The following GUCY1A2 variants were observed in gnomAD, a reference collection of about 807,000 sequenced individuals.
GUCY1A2 encodes the protein guanylate cyclase soluble subunit alpha-2.
Under a neutral mutation model 63.5 loss-of-function variants are expected in GUCY1A2, and 27 were observed. The ratio of observed to expected loss-of-function variants is 0.43; its 90% CI spans 0.31 to 0.59. The LOEUF is 0.59. GUCY1A2 is among the 20% of genes least tolerant of loss of function. The pLI, the probability that GUCY1A2 is intolerant of heterozygous loss-of-function variation, is 0.11. For missense variants in GUCY1A2, 768 were observed against 913.3 expected, an observed-to-expected ratio of 0.84 and a Z score of 2.05; for synonymous variants, 364 against 343.5, an observed-to-expected ratio of 1.06 and a Z score of -0.66.
intron 5 of GUCY1A2, among the ~76,000 whole-genome samples, chr11:106,800,712 G>A (rs577758013): frequency 6.6e-6 from 1 of 152,140 alleles, no homozygotes; most frequent in African/African-American, 2.4e-5. Context: ...CACAGGAAGG[G>A]GAACATCACA....
At chr11:106,803,316 G>C (rs1026074049) in intron 5 of GUCY1A2, among the ~76,000 whole-genome samples, 1 of 152,072 alleles carries the variant, frequency 6.6e-6, no homozygotes, top group Non-Finnish European at 1.5e-5. Context: ...AAGAATCTTT[G>C]AGGCCCCATG....
At chr11:106,719,593 T>G (rs936631660) in intron 6 of GUCY1A2, among the ~76,000 whole-genome samples, 4 of 152,164 alleles carry the variant, frequency 2.6e-5, no homozygotes, top group African/African-American at 4.8e-5. Context: ...TAAGAATAAA[T>G]AGCATAGCTA....
chr11:106,729,641 C>CA (rs1251875982), intron 6 of GUCY1A2, among the ~76,000 whole-genome samples: 1 of 151,798 alleles, frequency 6.6e-6, no homozygotes, highest in Admixed American at 6.6e-5. Flanking sequence ...ATCAGCACAG[C>CA]AAAAAATGAT....
chr11:106,940,830 T>A (rs1024519297), intron 3 of GUCY1A2, among the ~76,000 whole-genome samples: 2 of 152,188 alleles, frequency 1.3e-5, no homozygotes, highest in African/African-American at 4.8e-5. Flanking sequence ...ATAATATATT[T>A]TTCTTTTTCT....
intron 4 of GUCY1A2, among the ~76,000 whole-genome samples, chr11:106,835,400 AAT>A (rs2135439493): frequency 6.6e-6 from 1 of 152,056 alleles, no homozygotes; most frequent in South Asian, 2.1e-4. Context: ...AAGAGTAGAA[AAT>A]ATGAGGAGAT....
chr11:106,981,627 G>A (rs1012907928), intron 2 of GUCY1A2, among the ~76,000 whole-genome samples: 8 of 151,818 alleles, frequency 5.3e-5, no homozygotes, highest in Non-Finnish European at 8.8e-5. Flanking sequence ...TCTGTGCTTC[G>A]TCTACCCTGC....
At chr11:106,874,452 C>T (rs2135466554) in intron 4 of GUCY1A2, among the ~76,000 whole-genome samples, 1 of 152,222 alleles carries the variant, frequency 6.6e-6, no homozygotes. Context: ...CCTCCTTCTG[C>T]CTATCTTATG....
intron 6 of GUCY1A2, among the ~76,000 whole-genome samples, chr11:106,757,003 T>C (rs969787862): frequency 1.3e-5 from 2 of 152,228 alleles, no homozygotes; most frequent in African/African-American, 4.8e-5. Context: ...GTAGATTTGG[T>C]CTTTTCTCAT....
intron 3 of GUCY1A2, among the ~76,000 whole-genome samples, chr11:106,946,362 C>G (rs1241474778): frequency 2.0e-5 from 3 of 151,750 alleles, no homozygotes; most frequent in Non-Finnish European, 1.5e-5. Context: ...AGACCAGAAA[C>G]AAAAACAATG....
At chr11:106,740,791 A>T (rs1038781063) in intron 6 of GUCY1A2, among the ~76,000 whole-genome samples, 4 of 151,956 alleles carry the variant, frequency 2.6e-5, no homozygotes, top group Non-Finnish European at 4.4e-5. Flanking sequence ...CTCCTACCTC[A>T]GCCTCCTGAG....
At chr11:106,914,701 T>C (rs1180057296) in intron 4 of GUCY1A2, among the ~76,000 whole-genome samples, 2 of 151,342 alleles carry the variant, frequency 1.3e-5, no homozygotes, top group Non-Finnish European at 3.0e-5. Flanking sequence ...AGAAAATAAA[T>C]AAAGATAATA....
At position 106,810,275 on chromosome 11, in the gene GUCY1A2, A is replaced by G; in HGVS notation, c.1410T>C (p.Asp470=). The G allele has an allele frequency of 6.2e-7, 1 of 1,613,882 alleles. No individual in the cohort carries two copies. The highest frequency in any genetic ancestry group is 8.5e-7 in the Non-Finnish European group (1 of 1,179,914). The part of the protein sequence containing the change: ...KAQDGLKKRM[D]KLKATLERTH... ...TTCTTTCTAAAGTTGCCTTTAATTT[A>G]TCCATCCTTTTCTTCAACCCATCTT... The change falls in exon 5 of 8, where the codon GAT becomes GAC. Residue 470 remains aspartate (D), a synonymous_variant. Coordinates refer to ENST00000526355, the MANE Select transcript of GUCY1A2 (RefSeq NM_000855.3).
At chr11:106,866,516 G>C (rs934476305) in intron 4 of GUCY1A2, among the ~76,000 whole-genome samples, 3 of 152,076 alleles carry the variant, frequency 2.0e-5, no homozygotes, top group Middle Eastern at 3.2e-3. Flanking sequence ...CAGATGCAAG[G>C]AAGAGAATGC....
At chr11:106,756,147 T>C (rs913059312) in intron 6 of GUCY1A2, among the ~76,000 whole-genome samples, 13 of 152,208 alleles carry the variant, frequency 8.5e-5, no homozygotes, top group Non-Finnish European at 1.6e-4. Context: ...GAAGTCTGTT[T>C]TATCAGAGAC....
At position 107,018,171 on chromosome 11, in the gene GUCY1A2, G is replaced by T; in HGVS notation, c.-116C>A. 2.1e-6 allele frequency: 1 copy of T among 465,240 alleles called. No individual in the cohort carries two copies. The highest frequency in any genetic ancestry group is 3.2e-6 in the Non-Finnish European group (1 of 313,150). The allele number at this position is 465,240 out of a possible 1,614,324, so 28.8% of individuals were successfully genotyped here. ...GTTAAGCGCGTCGGGGCCGCGGGGC[G>T]CTGCGGTCGCGCCCGGCGGGGCGGG... is the stretch of plus-strand genomic sequence containing the variant. On this transcript the variant is annotated 5_prime_UTR_variant, in exon 1 of 8. Coordinates refer to ENST00000526355, the MANE Select transcript of GUCY1A2 (RefSeq NM_000855.3).
At chr11:106,913,035 A>T (rs911737826) in intron 4 of GUCY1A2, among the ~76,000 whole-genome samples, 2 of 152,190 alleles carry the variant, frequency 1.3e-5, no homozygotes, top group African/African-American at 2.4e-5. Flanking sequence ...CTAGGAAAAC[A>T]TGTTGGTTTT....
At chr11:106,973,563 T>C (rs1861224059) in intron 3 of GUCY1A2, among the ~76,000 whole-genome samples, 1 of 152,036 alleles carries the variant, frequency 6.6e-6, no homozygotes, top group Non-Finnish European at 1.5e-5. Context: ...ATGACGATTC[T>C]AAGAATTCAG....
In GUCY1A2 at chr11:106,746,690, A is replaced by T. The variant is rs1170976045; in HGVS notation, c.1836+29749T>A. On this transcript the variant is annotated intron_variant, in intron 6 of 7. Coordinates refer to ENST00000526355, the MANE Select transcript of GUCY1A2 (RefSeq NM_000855.3). ...ACCAAGTGAATCAAGGGACAAAAAT[A>T]AAAAATCAGTACTGTGACATTTTTT... The T allele has an allele frequency of 3.7e-6, 4 of 1,088,744 alleles. No homozygotes were observed. In the African/African-American group the frequency reaches 6.2e-5, roughly 17 times the overall value. The allele number at this position is 1,088,744 out of a possible 1,614,324, so 67.4% of individuals were successfully genotyped here.
chr11:106,860,535 A>G (rs1342261422), intron 4 of GUCY1A2, among the ~76,000 whole-genome samples: 1 of 151,950 alleles, frequency 6.6e-6, no homozygotes, highest in East Asian at 1.9e-4. Context: ...AGTGTATTTT[A>G]CCATATTGTA....
Sources: gnomAD v4.1 joint callset for allele counts (sites outside exome capture counted in the v4.1 genomes callset) on GRCh38, gnomAD v4.1.1 for gene constraint, MANE v1.5 for transcripts, NCBI Gene and HGNC (gene_info 2026-07-23, HGNC 2026-07-21) for gene names.